KNSTRN: variants seen among roughly 807,000 people sequenced by gnomAD.
The protein encoded by KNSTRN is kinetochore localized astrin (SPAG5) binding protein, also known as small kinetochore-associated protein.
Under a neutral mutation model 44.7 loss-of-function variants are expected in KNSTRN, and 38 were observed. The observed-to-expected ratio is 0.85, with a 90% CI of 0.66 to 1.11. KNSTRN has a LOEUF of 1.11. Ranked by LOEUF, KNSTRN falls within the 50% of genes most tolerant of loss-of-function variation. The pLI is 0.00. For synonymous variants in KNSTRN, 158 were observed against 148.1 expected (o/e 1.07, Z -0.48); for missense variants, 406 against 375.8 (o/e 1.08, Z -0.66).
rs1424595945 is a variant in KNSTRN at position 40,393,662 on chromosome 15, A to G, written c.*65A>G. ...AATCTCAGAGGAAGCTACTTAGGAC[A>G]TCATCTTGGCCATGATCTTCTGGGA... On this transcript the variant is annotated 3_prime_UTR_variant, in exon 9 of 9. Transcript: ENST00000249776. The G allele has an allele frequency of 2.1e-6, 3 of 1,455,396 alleles. No individual in the cohort carries two copies. The highest frequency in any genetic ancestry group is 1.4e-5 in the African/African-American group (1 of 70,776). 90.2% of individuals were successfully genotyped at this position (1,455,396 alleles called of 1,614,324 possible).
At chr15:40,384,328 T>C (rs1344712261) in intron 2 of KNSTRN, 25 of 353,564 alleles carry the variant, frequency 7.1e-5, no homozygotes, top group Admixed American at 2.0e-4. Flanking sequence ...GAGCCGATAT[T>C]GCGCCACTGC....
intron 8 of KNSTRN, 22 bp downstream of exon 8, chr15:40,392,045 G>C: frequency 1.3e-6 from 2 of 1,537,460 alleles, no homozygotes; most frequent in South Asian, 1.2e-5. Context: ...ACATCACCCT[G>C]ACCATTTCCT....
chr15:40,384,741 T>C lies in KNSTRN; in HGVS notation c.304+1419T>C, dbSNP rs576093483. The C allele has an allele frequency of 1.0e-4, 19 of 183,692 alleles. No homozygotes were observed. In the South Asian group the frequency reaches 1.4e-3, roughly 13 times the overall value. The allele number at this position is 183,692 out of a possible 1,614,324, so 11.4% of individuals were successfully genotyped here. On this transcript the variant is annotated intron_variant, in intron 2 of 8. Transcript: ENST00000249776. ...GCTGGATAAGTAATATATGCACATG[T>C]GAAAAAAAAAAAGGTGGAAAACCAT...
intron 7 of KNSTRN, 101 bp from the exon 8 acceptor site, chr15:40,391,848 A>C (rs1420792951): frequency 3.6e-5 from 32 of 877,530 alleles, no homozygotes; most frequent in Non-Finnish European, 2.3e-5. Flanking sequence ...TTCTCTCCTG[A>C]CTCCTTTGTT....
rs1889901423 is a variant in KNSTRN, at chr15:40,386,353, C to T, written c.305-9C>T. On this transcript the variant is annotated splice_polypyrimidine_tract_variant and intron_variant, in intron 2 of 8. Coordinates refer to ENST00000249776, the MANE Select transcript of KNSTRN (RefSeq NM_033286.4). ...TGCCAGAAGCTTTACCTCTCATTTT[C>T]CTTTGCAGACACACAAACTCGGGCC... is the stretch of plus-strand genomic sequence containing the variant. 1 of 1,612,478 alleles carries T rather than the reference C, an allele frequency of 6.2e-7. No homozygotes were observed. The highest frequency in any genetic ancestry group is 8.5e-7 in the Non-Finnish European group (1 of 1,179,170).
intron 1 of KNSTRN, 74 bp downstream of exon 1, chr15:40,383,118 C>T: frequency 1.3e-6 from 2 of 1,595,134 alleles, no homozygotes; most frequent in African/African-American, 2.7e-5. Context: ...GGAGGATTTT[C>T]TCTTTTCCAA....
At chr15:40,385,577 T>C (rs1346518941) in intron 2 of KNSTRN, among the ~76,000 whole-genome samples, 1 of 152,226 alleles carries the variant, frequency 6.6e-6, no homozygotes, top group African/African-American at 2.4e-5. Flanking sequence ...ATATGCCAGA[T>C]ACTTTCCTAG....
intron 7 of KNSTRN, 157 bp from the exon 8 acceptor site, chr15:40,391,792 C>G: frequency 1.5e-6 from 1 of 686,660 alleles, no homozygotes; most frequent in East Asian, 2.6e-5. Flanking sequence ...ATAGGTAAAC[C>G]TGTAGAGAGA....
Position 40,384,510 on chromosome 15 carries a change from C to CTGGA in KNSTRN, c.304+1189_304+1192dup, listed in dbSNP as rs1595737209. On this transcript the variant is annotated intron_variant, in intron 2 of 8. Coordinates refer to ENST00000249776, the MANE Select transcript of KNSTRN (RefSeq NM_033286.4). ...CGGGGACTAGGAGTTGCTGGAAGAA[C>CTGGA]TGGAGCCAGGTCTCTCAGCTGCTGT... is the stretch of plus-strand genomic sequence containing the variant. 5 of 455,740 alleles carry CTGGA rather than the reference C, an allele frequency of 1.1e-5. No individual in the cohort carries two copies. In the East Asian group the frequency reaches 3.5e-4, roughly 32 times the overall value. The allele number at this position is 455,740 out of a possible 1,614,324, so 28.2% of individuals were successfully genotyped here. A position where few individuals can be genotyped will look rare whatever the true frequency, so the allele number is the denominator to read the frequency against.
chr15:40,382,773 C>G lies in KNSTRN; in HGVS notation c.-63C>G. Reference sequence around the variant, plus strand: ...CATCACCCTCCTCCTCTGCCCAGACCTGGGGGCTCCAACACCTTTCGCTAG... The same window carrying G: ...CATCACCCTCCTCCTCTGCCCAGACGTGGGGGCTCCAACACCTTTCGCTAG... On this transcript the variant is annotated 5_prime_UTR_variant, in exon 1 of 9. Coordinates refer to ENST00000249776, the MANE Select transcript of KNSTRN (RefSeq NM_033286.4). 6.8e-7 allele frequency: 1 copy of G among 1,468,808 alleles called. No individual in the cohort carries two copies. Among genetic ancestry groups the G allele is most frequent in the Non-Finnish European group, 9.3e-7 (1 of 1,072,196 alleles). The allele number at this position is 1,468,808 out of a possible 1,614,324, so 91.0% of individuals were successfully genotyped here. A position where few individuals can be genotyped will look rare whatever the true frequency, so the allele number is the denominator to read the frequency against.
chr15:40,384,256 C>T, intron 2 of KNSTRN: 1 of 292,404 alleles, frequency 3.4e-6, no homozygotes, highest in South Asian at 2.6e-5. Flanking sequence ...CGCCTGTAGT[C>T]CCAGCTACTT....
Position 40,383,288 on chromosome 15 carries a change from GCCC to G in KNSTRN, c.274_276del (p.Pro92del). The G allele has an allele frequency of 1.2e-6, 2 of 1,613,768 alleles. No homozygotes were observed. Among genetic ancestry groups the G allele is most frequent in the Non-Finnish European group, 1.7e-6 (2 of 1,179,790 alleles). ...TGGTTAAGACAGTGTATAGCCTGCA[GCCC>G]CCCTCTGCGCTGAGCGGCGGCCAGC... On this transcript the variant is annotated inframe_deletion, in exon 2 of 9. Coordinates refer to ENST00000249776, the MANE Select transcript of KNSTRN (RefSeq NM_033286.4).
At chr15:40,384,189 C>A (rs1889863421) in intron 2 of KNSTRN, 2 of 265,208 alleles carry the variant, frequency 7.5e-6, no homozygotes, top group South Asian at 6.5e-5. Flanking sequence ...CTGGCTAACA[C>A]GGTGAAGCAC....
chr15:40,386,738 A>G (rs905081499), intron 3 of KNSTRN: 2 of 534,154 alleles, frequency 3.7e-6, no homozygotes, highest in Admixed American at 3.2e-5. Flanking sequence ...CTGAGCATAC[A>G]AGTGGCAGCA....
At position 40,393,165 on chromosome 15, in the gene KNSTRN, A is replaced by G. The variant is rs1029973337; in HGVS notation, c.823-304A>G. ...CTCAAGGAGAAGACCTGTAGTAAGC[A>G]CAGATTCTTTGGTCTGGACTGTTTC... On this transcript the variant is annotated intron_variant, in intron 8 of 8. Transcript: ENST00000249776. 5.0e-6 allele frequency: 8 copies of G among 1,612,422 alleles called. No individual in the cohort carries two copies. The African/African-American group carries it at 1.1e-4, about 22-fold the overall frequency.
rs760069552 is a variant in KNSTRN at position 40,382,991 on chromosome 15, G to T, written c.156G>T (p.Gly52=). The T allele has an allele frequency of 9.9e-6, 16 of 1,612,092 alleles. No individual in the cohort carries two copies. In the Admixed American group the frequency reaches 2.3e-4, roughly 23 times the overall value. The change falls in exon 1 of 9, where the codon GGG becomes GGT. Residue 52 remains glycine, a synonymous_variant. Transcript: ENST00000249776. ...DLAGGTTVAA[G]NLLNESEKDC... is the part of the protein sequence containing the mutation. The stretch of plus-strand genomic sequence containing the variant: ...CCGGTGGCACGACAGTTGCTGCAGG[G>T]AATCTTTTAAACGAGAGCGAGAAGG...
chr15:40,383,738 A>T (rs1418431828), intron 2 of KNSTRN, among the ~76,000 whole-genome samples: 1 of 152,180 alleles, frequency 6.6e-6, no homozygotes, highest in Non-Finnish European at 1.5e-5. Context: ...GTTCACCTTT[A>T]TATCTGCACC....
chr15:40,385,103 G>A (rs1399167442), intron 2 of KNSTRN, among the ~76,000 whole-genome samples: 1 of 152,132 alleles, frequency 6.6e-6, no homozygotes, highest in Non-Finnish European at 1.5e-5. Context: ...TACTTCATTT[G>A]TACTGCATTT....
intron 4 of KNSTRN, among the ~76,000 whole-genome samples, chr15:40,387,443 G>A (rs917656969): frequency 2.0e-5 from 3 of 152,142 alleles, no homozygotes; most frequent in African/African-American, 7.2e-5. Flanking sequence ...TGGACTCCAC[G>A]CCAGGACCAC....
Sources: gnomAD v4.1 joint callset for allele counts (sites outside exome capture counted in the v4.1 genomes callset) on GRCh38, gnomAD v4.1.1 for gene constraint, MANE v1.5 for transcripts, NCBI Gene and HGNC (gene_info 2026-07-23, HGNC 2026-07-21) for gene names.